ABLIM1: variants seen among roughly 807,000 people sequenced by gnomAD.
The protein encoded by ABLIM1 is actin-binding LIM protein 1.
In ABLIM1, 40 loss-of-function variants were observed where a neutral mutation model predicts 107.0. The ratio of observed to expected loss-of-function variants is 0.37; its 90% confidence interval spans 0.29 to 0.49. The LOEUF is 0.49. Among genes scored for constraint, ABLIM1 ranks in the 20% least tolerant of loss-of-function variants. ABLIM1 has a pLI of 0.97. For missense variants in ABLIM1, 857 were observed against 1,008.5 expected, an observed-to-expected ratio of 0.85 and a Z score of 2.04; for synonymous variants, 357 against 357.3, an observed-to-expected ratio of 1.00 and a Z score of 0.01.
intron 12 of ABLIM1, among the ~76,000 whole-genome samples, chr10:114,459,478 C>T (rs1477989705): frequency 6.6e-6 from 1 of 152,150 alleles, no homozygotes; most frequent in East Asian, 1.9e-4. Flanking sequence ...AGACGTAATT[C>T]CTTGGAGAAT....
At chr10:114,608,388 G>A (rs934601791) in intron 1 of ABLIM1, among the ~76,000 whole-genome samples, 1 of 151,992 alleles carries the variant, frequency 6.6e-6, no homozygotes, top group Non-Finnish European at 1.5e-5. Flanking sequence ...TAAATAAGAT[G>A]GCCGGGGGCA....
At chr10:114,560,237 A>G (rs12241422) in intron 4 of ABLIM1, among the ~76,000 whole-genome samples, 25,084 of 152,260 alleles carry the variant, frequency 0.16, 2,622 homozygotes, top group East Asian at 0.27. Flanking sequence ...AAAGATGGAA[A>G]TGACCTAAAT....
Position 114,658,179 on chromosome 10 carries a change from T to A in ABLIM1, c.22A>T (p.Lys8Ter). 1.2e-6 allele frequency: 2 copies of A among 1,609,340 alleles called. No homozygotes were observed. Among genetic ancestry groups the A allele is most frequent in the Non-Finnish European group, 1.7e-6 (2 of 1,176,400 alleles). Reference protein sequence around the residue: MPAFLGLKCLGKLCSSEK... With the variant: MPAFLGL ...GAGCTGCACAATTTCCCCAGACACT[T>A]TAGACCAAGGAAGGCAGGCATCTTG... Residue 8 changes from lysine (K) to a stop codon, truncating the protein, a stop_gained, in exon 1 of 23, where the codon AAG (lysine) becomes TAG (stop). Coordinates refer to ENST00000533213, the MANE Select transcript of ABLIM1 (RefSeq NM_002313.7). LOFTEE classifies it high-confidence loss of function.
intron 2 of ABLIM1, among the ~76,000 whole-genome samples, chr10:114,590,445 C>T (rs2074730948): frequency 6.6e-6 from 1 of 152,194 alleles, no homozygotes; most frequent in African/African-American, 2.4e-5. Flanking sequence ...TTTATGAACT[C>T]TGCACTAAAG....
At chr10:114,450,087 T>C (rs2061611237) in intron 14 of ABLIM1, 1 of 399,054 alleles carries the variant, frequency 2.5e-6, no homozygotes, top group Non-Finnish European at 5.0e-6. Flanking sequence ...AATCAAATGC[T>C]GAGAATTTTA....
At chr10:114,733,427 C>A (rs2082116347) in intron 1 of ABLIM1, among the ~76,000 whole-genome samples, 1 of 152,148 alleles carries the variant, frequency 6.6e-6, no homozygotes, top group African/African-American at 2.4e-5. Flanking sequence ...GTACCCCGAG[C>A]AAAAACATGC....
intron 8 of ABLIM1, among the ~76,000 whole-genome samples, chr10:114,478,977 C>T (rs867890056): frequency 2.3e-4 from 35 of 152,156 alleles, no homozygotes; most frequent in African/African-American, 8.2e-4. Flanking sequence ...TTATGTAAGA[C>T]AGTGTAATAC....
At chr10:114,459,324 C>T (rs972064060) in intron 12 of ABLIM1, among the ~76,000 whole-genome samples, 1 of 152,222 alleles carries the variant, frequency 6.6e-6, no homozygotes, top group East Asian at 1.9e-4. Context: ...CAATGAAGGG[C>T]CACAAAAAAC....
chr10:114,437,853 G>C lies in ABLIM1; in HGVS notation c.2214C>G (p.Thr738=). 6.2e-7 allele frequency: 1 copy of C among 1,613,988 alleles called. No homozygotes were observed. Among genetic ancestry groups the C allele is most frequent in the South Asian group, 1.1e-5 (1 of 91,066 alleles). Residue 738 remains threonine, a synonymous_variant, in exon 22 of 23, where the codon ACC becomes ACG. Coordinates refer to ENST00000533213, the MANE Select transcript of ABLIM1 (RefSeq NM_002313.7). The part of the protein sequence containing the change: ...RNKILREVDR[T]RLERHLAPEV... ...TTCGGTTTTGTTTTACCTCCAGCCT[G>C]GTTCTGTCCACCTCTCTGAGGATTT...
At chr10:114,662,219 G>A (rs2079824388), upstream of ABLIM1, among the ~76,000 whole-genome samples, 1 of 152,108 alleles carries the variant, frequency 6.6e-6, no homozygotes, top group Non-Finnish European at 1.5e-5. Flanking sequence ...CAGTGATAAT[G>A]GGGTTACTTT....
intron 1 of ABLIM1, chr10:114,767,972 G>C: frequency 2.5e-6 from 1 of 401,118 alleles, no homozygotes; most frequent in Non-Finnish European, 5.0e-6. Context: ...CCGGGCTGGG[G>C]CCGGCGCGGC....
At chr10:114,679,177 A>T (rs1436707161) in intron 1 of ABLIM1, among the ~76,000 whole-genome samples, 16 of 152,212 alleles carry the variant, frequency 1.1e-4, no homozygotes, top group Admixed American at 1.0e-3. Context: ...GAAAGAAAGA[A>T]AGAGAAAGAA....
rs745439628 is a variant in ABLIM1 at position 114,707,115 on chromosome 10, T to C, written c.-213+60946A>G. ...TTTTTAAGATTTTTATTTAACCTAA[T>C]ATATCAAAAATACTGTCATTTCAAA... is the stretch of plus-strand genomic sequence containing the variant. On this transcript the variant is annotated intron_variant, in intron 1 of 15. Coordinates refer to the ABLIM1 transcript ENST00000651092. This position sits in a 1 kb window ranked among gnomAD's most constrained non-coding sequence, Gnocchi z 4.1. Among the ~76,000 whole-genome samples, 1 of 152,240 alleles carries C rather than the reference T, an allele frequency of 6.6e-6. No individual in the cohort carries two copies. The highest frequency in any genetic ancestry group is 1.5e-5 in the Non-Finnish European group (1 of 68,046).
intron 10 of ABLIM1, 137 bp downstream of exon 10, chr10:114,472,839 AC>A: frequency 2.5e-6 from 2 of 798,924 alleles, no homozygotes; most frequent in Non-Finnish European, 3.7e-6. Context: ...ACCTCAAAGC[AC>A]CTGGTCTAGA....
At chr10:114,644,152 G>T (rs2078878440) in intron 1 of ABLIM1, among the ~76,000 whole-genome samples, 1 of 149,052 alleles carries the variant, frequency 6.7e-6, no homozygotes, top group South Asian at 2.1e-4. Context: ...ATGGTGGCGG[G>T]CACCTGTAGT....
chr10:114,615,870 C>G (rs2077099468), intron 1 of ABLIM1, among the ~76,000 whole-genome samples: 1 of 151,896 alleles, frequency 6.6e-6, no homozygotes, highest in South Asian at 2.1e-4. Context: ...TCAAACCAAC[C>G]CTGGCTAAGC....
intron 12 of ABLIM1, among the ~76,000 whole-genome samples, chr10:114,462,031 T>C (rs1462933342): frequency 6.6e-6 from 1 of 152,114 alleles, no homozygotes; most frequent in Non-Finnish European, 1.5e-5. Flanking sequence ...ATAAAATCAC[T>C]GCATACTGAT....
chr10:114,606,215 T>C (rs2076398044), intron 1 of ABLIM1, among the ~76,000 whole-genome samples: 1 of 152,112 alleles, frequency 6.6e-6, no homozygotes, highest in Admixed American at 6.6e-5. Flanking sequence ...ATCACAAGCC[T>C]GTGACAGAGT....
At chr10:114,623,811 T>TA (rs2077618682) in intron 1 of ABLIM1, among the ~76,000 whole-genome samples, 1 of 152,146 alleles carries the variant, frequency 6.6e-6, no homozygotes, top group East Asian at 1.9e-4. Flanking sequence ...TTAGAAGTAT[T>TA]AAAAAAGCCA....
Sources: allele counts gnomAD v4.1 joint callset (sites outside exome capture counted in the v4.1 genomes callset), GRCh38; gene constraint gnomAD v4.1.1; non-coding constraint Gnocchi (gnomAD v3.1); transcripts MANE v1.5; gene names NCBI Gene and HGNC (gene_info 2026-07-23, HGNC 2026-07-21).